TBL1Y: variants seen among roughly 807,000 people sequenced by gnomAD.
TBL1Y encodes the protein transducin beta like 1 Y-linked.
In TBL1Y, 15 loss-of-function variants were observed where a neutral mutation model predicts 12.0. The observed-to-expected ratio is 1.25, with a 90% CI of 0.83 to 1.92. The LOEUF (loss-of-function observed/expected upper bound fraction) is 1.92, where lower values mean the gene tolerates loss of function less well. TBL1Y is among the 40% of genes most tolerant of loss of function. The probability of loss-of-function intolerance (pLI) is 0.00; values close to 1 mark genes in which losing one functional copy is unlikely to be tolerated. For missense variants in TBL1Y, 148 were observed against 116.7 expected (o/e 1.27, Z -1.24); for synonymous variants, 53 against 42.6 (o/e 1.24, Z -0.95).
At position 7,064,092 on chromosome Y, in the gene TBL1Y, C is replaced by G; in HGVS notation, c.400C>G (p.Pro134Ala). ...MTPAAISQQN[P>A]PKNREATVNG... The stretch of plus-strand genomic sequence containing the variant: ...CCCAGCTGCTATTTCCCAGCAAAAT[C>G]CTCCAAAGAACCGAGAGGCCACAGT... The change falls in exon 8 of 19, where the codon CCT (proline) becomes GCT (alanine). Residue 134 changes from proline (P) to alanine (A), a missense_variant. Pro to Ala is a conservative substitution (Grantham distance 27). Transcript: ENST00000383032. 2 of 398,274 alleles carry G rather than the reference C, an allele frequency of 5.0e-6. No homozygotes were observed. The highest frequency in any genetic ancestry group is 7.1e-6 in the Non-Finnish European group (2 of 283,386).
chrY:7,006,256 G>A (rs1053841558), intron 4 of TBL1Y, among the ~76,000 whole-genome samples: 9 of 33,485 alleles, frequency 2.7e-4, no homozygotes, highest in African/African-American at 1.0e-3. Context: ...TTTAAACTAG[G>A]AAGCCAACTT....
intron 7 of TBL1Y, among the ~76,000 whole-genome samples, chrY:7,047,680 T>A: frequency 6.0e-5 from 2 of 33,145 alleles, no homozygotes; most frequent in Non-Finnish European, 1.5e-4. Context: ...ATTTAAAAAA[T>A]TTCAGTATCA....
intron 2 of TBL1Y, among the ~76,000 whole-genome samples, chrY:6,959,388 T>C: frequency 3.0e-5 from 1 of 33,093 alleles, no homozygotes; most frequent in Non-Finnish European, 7.4e-5. Flanking sequence ...ACAGTAACAG[T>C]CTGATCTCTC....
chrY:6,988,665 CATAAATAAATAAATAA>C lies in TBL1Y; in HGVS notation c.-234-7119_-234-7104del, dbSNP rs201788457. On this transcript the variant is annotated intron_variant, in intron 3 of 18. Transcript: ENST00000383032. ...ACAGAGCAAGACCCTGCCTCAAAAA[CATAAATAAATAAATAA>C]ATAAATAAATAAATAAATACCAAAA... 8.9e-4 allele frequency among the ~76,000 whole-genome samples: 24 copies of C among 26,952 alleles called. No individual in the cohort carries two copies. In the East Asian group the frequency reaches 0.03, roughly 34 times the overall value. The allele number at this position is 26,952 out of a possible 37,273, so 72.3% of individuals were successfully genotyped here. A position where few individuals can be genotyped will look rare whatever the true frequency, so the allele number is the denominator to read the frequency against.
At chrY:7,069,400 A>G (rs2013007657) in intron 8 of TBL1Y, among the ~76,000 whole-genome samples, 1 of 33,467 alleles carries the variant, frequency 3.0e-5, no homozygotes, top group African/African-American at 1.2e-4. Context: ...TGCTGTCATG[A>G]TTCTGGAGGC....
rs967892542 is a variant in TBL1Y, at chrY:7,054,616, C to T, written c.205-9281C>T. ...ACTGCTGTTTGCTACAGTCGCAGACCTACCGCTGACTTCCATCCCTCCAGA... is the reference window on the plus strand; with the variant it reads ...ACTGCTGTTTGCTACAGTCGCAGACTTACCGCTGACTTCCATCCCTCCAGA... On this transcript the variant is annotated intron_variant, in intron 7 of 18. Transcript: ENST00000383032. Among the ~76,000 whole-genome samples, 33 of 34,193 alleles carry T rather than the reference C, an allele frequency of 9.7e-4. No individual in the cohort carries two copies. In the East Asian group the frequency reaches 0.014, roughly 14 times the overall value. The allele number at this position is 34,193 out of a possible 37,273, so 91.7% of individuals were successfully genotyped here.
At chrY:6,968,103 C>T (rs780271670) in intron 2 of TBL1Y, among the ~76,000 whole-genome samples, 1 of 33,266 alleles carries the variant, frequency 3.0e-5, no homozygotes, top group South Asian at 7.0e-4. Flanking sequence ...GGGCACCAGT[C>T]CCTTTGGATA....
chrY:7,051,274 G>A, intron 7 of TBL1Y, among the ~76,000 whole-genome samples: 2 of 33,798 alleles, frequency 5.9e-5, no homozygotes, highest in South Asian at 6.8e-4. Context: ...GGCTGAGGCA[G>A]GTGGATTACC....
chrY:6,947,641 T>C, intron 2 of TBL1Y, among the ~76,000 whole-genome samples: 1 of 34,011 alleles, frequency 2.9e-5, no homozygotes, highest in Non-Finnish European at 7.3e-5. Flanking sequence ...CTCTCCAGTT[T>C]CCCATTTTTG....
intron 2 of TBL1Y, among the ~76,000 whole-genome samples, chrY:6,916,866 T>A: frequency 2.9e-5 from 1 of 34,474 alleles, no homozygotes; most frequent in Non-Finnish European, 7.3e-5. Context: ...TTTGGGACAC[T>A]TTTTTCCGTC....
At chrY:6,911,528 A>T in intron 1 of TBL1Y, among the ~76,000 whole-genome samples, 2 of 34,384 alleles carry the variant, frequency 5.8e-5, no homozygotes, top group South Asian at 1.3e-3. Context: ...TCAGTTTCTG[A>T]GTCGCAAAAC....
In TBL1Y at chrY:6,956,886, G is replaced by A. The variant is rs745852214; in HGVS notation, c.-265-21327G>A. 2.4e-4 allele frequency among the ~76,000 whole-genome samples: 8 copies of A among 33,713 alleles called. No homozygotes were observed. The East Asian group carries it at 6.4e-3, about 27-fold the overall frequency. 90.4% of individuals were successfully genotyped at this position (33,713 alleles called of 37,273 possible). On this transcript the variant is annotated intron_variant, in intron 2 of 18. Coordinates refer to ENST00000383032, the MANE Select transcript of TBL1Y (RefSeq NM_033284.2). ...TATTCTTACCTCTCCTGATCCTGAC[G>A]CCACTTTATGTTGCTTCTATGACAT...
At chrY:7,063,314 G>A (rs1054257616) in intron 7 of TBL1Y, among the ~76,000 whole-genome samples, 3 of 34,078 alleles carry the variant, frequency 8.8e-5, no homozygotes, top group Non-Finnish European at 1.5e-4. Flanking sequence ...AATGGTGAGC[G>A]CACACTCGGA....
intron 5 of TBL1Y, among the ~76,000 whole-genome samples, chrY:7,023,384 T>C (rs2012593073): frequency 6.0e-5 from 2 of 33,436 alleles, no homozygotes; most frequent in Non-Finnish European, 1.5e-4. Context: ...GGTAAGATTA[T>C]GAGGAATGTT....
chrY:7,010,682 TC>T (rs2012514259), intron 4 of TBL1Y, among the ~76,000 whole-genome samples: 1 of 33,755 alleles, frequency 3.0e-5, no homozygotes, highest in African/African-American at 1.2e-4. Flanking sequence ...ATGCTTATAA[TC>T]CCAGCCCTTT....
intron 4 of TBL1Y, among the ~76,000 whole-genome samples, chrY:7,002,306 A>G (rs2012457639): frequency 2.9e-5 from 1 of 34,109 alleles, no homozygotes; most frequent in African/African-American, 1.1e-4. Flanking sequence ...ACAGTGTAAC[A>G]TGGGTTGGAG....
intron 2 of TBL1Y, among the ~76,000 whole-genome samples, chrY:6,971,806 G>T (rs1038703202): frequency 3.0e-5 from 1 of 33,572 alleles, no homozygotes; most frequent in African/African-American, 1.2e-4. Context: ...ATGCGGTTTC[G>T]CCATGTTGGC....
At chrY:7,070,481 T>C (rs937794831) in intron 9 of TBL1Y, among the ~76,000 whole-genome samples, 153 bp downstream of exon 9, 1 of 33,953 alleles carries the variant, frequency 2.9e-5, no homozygotes, top group Non-Finnish European at 7.3e-5. Context: ...CCTCTATACG[T>C]GTCTCGTATT....
chrY:6,982,431 C>T (rs1034682634), intron 3 of TBL1Y, among the ~76,000 whole-genome samples: 3 of 32,722 alleles, frequency 9.2e-5, no homozygotes, highest in Non-Finnish European at 2.2e-4. Flanking sequence ...TTCCAGCCTG[C>T]GTGACGGTGA....
Sources: gnomAD v4.1 joint callset for allele counts (sites outside exome capture counted in the v4.1 genomes callset) on GRCh38, gnomAD v4.1.1 for gene constraint, MANE v1.5 for transcripts, NCBI Gene and HGNC (gene_info 2026-07-23, HGNC 2026-07-21) for gene names.